Variants in TTC21B observed in about 807,000 individuals in gnomAD.
The protein encoded by TTC21B is tetratricopeptide repeat domain 21B.
TTC21B carries 127 observed loss-of-function variants against 175.1 expected under a neutral mutation model. The ratio of observed to expected loss-of-function variants is 0.73; its 90% CI spans 0.63 to 0.84. The LOEUF is 0.84. TTC21B is among the 40% of genes least tolerant of loss of function. TTC21B has a pLI of 0.00. For synonymous variants in TTC21B, 524 were observed against 524.5 expected, an observed-to-expected ratio of 1.00 and a Z score of 0.01; for missense variants, 1,561 against 1,558.3, an observed-to-expected ratio of 1.00 and a Z score of -0.03.
chr2:165,898,892 A>G (rs1178942760), intron 21 of TTC21B, 125 bp from the exon 22 acceptor site: 6 of 697,296 alleles, frequency 8.6e-6, no homozygotes, highest in Non-Finnish European at 1.6e-5. Context: ...CATTTTATAA[A>G]AAGGAGGCAT....
intron 12 of TTC21B, among the ~76,000 whole-genome samples, chr2:165,920,566 T>C (rs1686351959): frequency 6.6e-6 from 1 of 152,060 alleles, no homozygotes; most frequent in South Asian, 2.1e-4. Context: ...AAAATTCTTT[T>C]AGCAAGGAGA....
intron 27 of TTC21B, among the ~76,000 whole-genome samples, chr2:165,879,041 G>T (rs994948359): frequency 2.6e-5 from 4 of 152,060 alleles, no homozygotes; most frequent in African/African-American, 9.7e-5. Flanking sequence ...TGTTTATTTG[G>T]CCAGGCACAT....
chr2:165,949,560 A>C, intron 2 of TTC21B, 35 bp downstream of exon 2: 2 of 1,613,852 alleles, frequency 1.2e-6, no homozygotes, highest in Non-Finnish European at 1.7e-6. Flanking sequence ...CAAGAATTTA[A>C]AACTGATGGA....
At chr2:165,930,527 C>A (rs1686849591) in intron 8 of TTC21B, among the ~76,000 whole-genome samples, 163 bp from the exon 9 acceptor site, 1 of 151,722 alleles carries the variant, frequency 6.6e-6, no homozygotes, top group Non-Finnish European at 1.5e-5. Flanking sequence ...ATTATCTAGA[C>A]AATGCATCAA....
In TTC21B at chr2:165,874,056, A is replaced by G; in HGVS notation, c.*699T>C. The G allele has an allele frequency of 6.6e-6, 1 of 152,134 alleles. No homozygotes were observed. Among genetic ancestry groups the G allele is most frequent in the East Asian group, 1.9e-4 (1 of 5,202 alleles). 9.4% of individuals were successfully genotyped at this position (152,134 alleles called of 1,614,324 possible). A position where few individuals can be genotyped will look rare whatever the true frequency, so the allele number is the denominator to read the frequency against. On this transcript the variant is annotated 3_prime_UTR_variant, in exon 29 of 29. Coordinates refer to ENST00000243344, the MANE Select transcript of TTC21B (RefSeq NM_024753.5). Reference sequence around the variant, plus strand: ...AATTTTTGAAACAACACAGAATACAACAAAAACAGGCTGGGTGCGGTGGCT... The same window carrying G: ...AATTTTTGAAACAACACAGAATACAGCAAAAACAGGCTGGGTGCGGTGGCT...
intron 27 of TTC21B, among the ~76,000 whole-genome samples, chr2:165,877,868 T>C (rs559429687): frequency 6.6e-6 from 1 of 152,162 alleles, no homozygotes; most frequent in Non-Finnish European, 1.5e-5. Flanking sequence ...CTTAATGTCA[T>C]TACCAACAAA....
intron 13 of TTC21B, 87 bp from the exon 14 acceptor site, chr2:165,917,568 C>G: frequency 1.9e-6 from 2 of 1,060,284 alleles, no homozygotes; most frequent in Non-Finnish European, 2.9e-6. Context: ...ATAATGAGAT[C>G]ACTGAGAACA....
chr2:165,882,451 T>C (rs143548849), intron 26 of TTC21B, among the ~76,000 whole-genome samples: 259 of 152,300 alleles, frequency 1.7e-3, no homozygotes, highest in African/African-American at 5.9e-3. Flanking sequence ...TTTCAATATA[T>C]TGCAGTTATC....
intron 19 of TTC21B, among the ~76,000 whole-genome samples, chr2:165,906,683 G>A (rs1405881913): frequency 1.3e-5 from 2 of 152,032 alleles, no homozygotes; most frequent in East Asian, 1.9e-4. Flanking sequence ...GGTGGCTCAC[G>A]CCTGTAATCC....
At chr2:165,908,982 T>A (rs184593505) in intron 18 of TTC21B, among the ~76,000 whole-genome samples, 1 of 152,116 alleles carries the variant, frequency 6.6e-6, no homozygotes, top group Admixed American at 6.5e-5. Context: ...AACCAAAAGA[T>A]CATTTTGAAA....
chr2:165,900,648 C>T (rs902417658), intron 20 of TTC21B, among the ~76,000 whole-genome samples: 1 of 151,942 alleles, frequency 6.6e-6, no homozygotes, highest in Non-Finnish European at 1.5e-5. Flanking sequence ...TACTAAACAC[C>T]AATTGAAATA....
At chr2:165,936,789 G>C (rs1023538460) in intron 6 of TTC21B, among the ~76,000 whole-genome samples, 1 of 152,032 alleles carries the variant, frequency 6.6e-6, no homozygotes, top group African/African-American at 2.4e-5. Flanking sequence ...CAGAACACTG[G>C]CAACATCAAA....
intron 22 of TTC21B, among the ~76,000 whole-genome samples, chr2:165,892,367 C>T (rs576885065): frequency 6.6e-6 from 1 of 152,016 alleles, no homozygotes; most frequent in South Asian, 2.1e-4. Flanking sequence ...GAGTATATAC[C>T]CAAAAGATTA....
Position 165,937,771 on chromosome 2 carries a change from C to CCACACACACACA in TTC21B, c.710+3244_710+3255dup, listed in dbSNP as rs4001021. ...TACATATTTTTAAAATATATAGAAA[C>CCACACACACACA]CACACACACACACACACACACACAC... On this transcript the variant is annotated intron_variant, in intron 6 of 28. Transcript: ENST00000243344. Among the ~76,000 whole-genome samples, 460 of 127,620 alleles carry CCACACACACACA rather than the reference C, an allele frequency of 3.6e-3. 3 individuals carry two copies. The highest frequency in any genetic ancestry group is 0.012 in the African/African-American group (403 of 33,758). 83.7% of individuals were successfully genotyped at this position (127,620 alleles called of 152,430 possible).
Position 165,920,523 on chromosome 2 carries a change from A to T in TTC21B, c.1517-1090T>A, listed in dbSNP as rs535886002. ...CAACACTCAAAACTGCACAGGTACA[A>T]AAAGGAAGAGTTAGGCATAATAAAT... On this transcript the variant is annotated intron_variant, in intron 12 of 28. Transcript: ENST00000243344. 8.5e-5 allele frequency among the ~76,000 whole-genome samples: 13 copies of T among 152,306 alleles called. No individual in the cohort carries two copies. In the South Asian group the frequency reaches 2.5e-3, roughly 29 times the overall value.
At chr2:165,917,628 C>G (rs535910336) in intron 13 of TTC21B, 147 bp from the exon 14 acceptor site, 3 of 720,016 alleles carry the variant, frequency 4.2e-6, no homozygotes, top group Non-Finnish European at 7.1e-6. Flanking sequence ...TCTTATTAAC[C>G]CTCTGATTAT....
intron 7 of TTC21B, among the ~76,000 whole-genome samples, chr2:165,932,193 G>T (rs1050947058): frequency 1.3e-5 from 2 of 152,016 alleles, no homozygotes; most frequent in African/African-American, 4.8e-5. Context: ...AGATACGAAT[G>T]ATAATGTATT....
At chr2:165,944,639 A>G (rs1193808130) in intron 4 of TTC21B, among the ~76,000 whole-genome samples, 1 of 152,174 alleles carries the variant, frequency 6.6e-6, no homozygotes, top group Non-Finnish European at 1.5e-5. Flanking sequence ...AAAGTCTTCA[A>G]TAGCCTCTCA....
At chr2:165,883,712 A>G (rs1684907235) in intron 26 of TTC21B, 82 bp downstream of exon 26, 1 of 1,098,800 alleles carries the variant, frequency 9.1e-7, no homozygotes, top group African/African-American at 1.5e-5. Flanking sequence ...ATCCTTGGAA[A>G]TGGACTAACA....
Sources: allele counts gnomAD v4.1 joint callset (sites outside exome capture counted in the v4.1 genomes callset), GRCh38; gene constraint gnomAD v4.1.1; transcripts MANE v1.5; gene names NCBI Gene and HGNC (gene_info 2026-07-23, HGNC 2026-07-21).